NAV2: variants seen among roughly 807,000 people sequenced by gnomAD.
NAV2 encodes neuron navigator 2, also known as helicase, APC down-regulated 1.
A neutral mutation model predicts 223.2 loss-of-function variants in NAV2; 54 were observed. That is an observed-to-expected ratio of 0.24 (90% CI 0.19 to 0.30). The LOEUF (loss-of-function observed/expected upper bound fraction) is 0.30. NAV2 is among the 10% of genes least tolerant of loss of function. The probability of loss-of-function intolerance (pLI) is 1.00; values close to 1 mark genes in which losing one functional copy is unlikely to be tolerated. For missense variants in NAV2, 2,806 were observed against 3,147.5 expected (o/e 0.89, Z 2.60); for synonymous variants, 1,279 against 1,239.3 (o/e 1.03, Z -0.67).
chr11:20,080,099 C>G lies in NAV2; in HGVS notation c.5215C>G (p.Arg1739Gly), dbSNP rs755116010. The G allele has an allele frequency of 6.2e-7, 1 of 1,614,130 alleles. No individual in the cohort carries two copies. Among genetic ancestry groups the G allele is most frequent in the Non-Finnish European group, 8.5e-7 (1 of 1,180,018 alleles). The change falls in exon 25 of 38, where the codon CGC becomes GGC. Residue 1739 changes from arginine (R) to glycine (G), a missense_variant. By Grantham distance (125) the Arg-to-Gly change is moderately radical (BLOSUM62 -2). Transcript: ENST00000349880. ...GTAQSADLRI[R>G]RQHSSDSVSS... ...TGCCCAGTCTGCAGACCTCCGCATCCGCAGGCAGCACTCCTCAGACAGCGT... is the reference window on the plus strand; with the variant it reads ...TGCCCAGTCTGCAGACCTCCGCATCGGCAGGCAGCACTCCTCAGACAGCGT...
intron 6 of NAV2, among the ~76,000 whole-genome samples, chr11:19,897,886 T>TTTTTTATA (rs144642336): frequency 8.3e-6 from 1 of 120,660 alleles, no homozygotes; most frequent in East Asian, 3.4e-4. Flanking sequence ...GACCTGTGAT[T>TTTTTTATA]TATATATATA....
At chr11:19,660,254 C>G (rs2048240887) in intron 1 of NAV2, among the ~76,000 whole-genome samples, 1 of 152,206 alleles carries the variant, frequency 6.6e-6, no homozygotes, top group Non-Finnish European at 1.5e-5. Flanking sequence ...TTCACTCGGC[C>G]ACTGCATCCC....
chr11:20,023,139 C>T (rs1424459842), intron 11 of NAV2: 5 of 1,551,384 alleles, frequency 3.2e-6, no homozygotes, highest in Non-Finnish European at 4.4e-6. Flanking sequence ...CAAGGTAGGA[C>T]GATTTTCTAA....
intron 1 of NAV2, among the ~76,000 whole-genome samples, chr11:19,407,683 C>T (rs1012480040): frequency 6.7e-6 from 1 of 150,318 alleles, no homozygotes; most frequent in Non-Finnish European, 1.5e-5. Flanking sequence ...GAATTCCCCA[C>T]CCACCCATAG....
intron 10 of NAV2, among the ~76,000 whole-genome samples, chr11:19,960,970 C>G (rs1476681469): frequency 2.0e-5 from 3 of 152,082 alleles, no homozygotes; most frequent in Non-Finnish European, 4.4e-5. Flanking sequence ...TTTCTCTACT[C>G]AGTGTTATGC....
At chr11:19,586,953 T>G (rs1227008864) in intron 1 of NAV2, among the ~76,000 whole-genome samples, 1 of 152,228 alleles carries the variant, frequency 6.6e-6, no homozygotes, top group African/African-American at 2.4e-5. Context: ...TGCCTTTTGT[T>G]TGGCTATGCC....
chr11:19,779,600 T>C lies in NAV2; in HGVS notation c.268-52884T>C, dbSNP rs186404082. Reference sequence around the variant, plus strand: ...TCCAGCCTTGCCACTTACTAATCCCTGAATCAGTTTTCCTCTTTTGTAAAA... The same window carrying C: ...TCCAGCCTTGCCACTTACTAATCCCCGAATCAGTTTTCCTCTTTTGTAAAA... On this transcript the variant is annotated intron_variant, in intron 1 of 37. Coordinates refer to ENST00000349880, the MANE Select transcript of NAV2 (RefSeq NM_145117.5). Among the ~76,000 whole-genome samples, 538 of 152,376 alleles carry C rather than the reference T, an allele frequency of 3.5e-3. 1 individual carries two copies. Among genetic ancestry groups the C allele is most frequent in the African/African-American group, 0.012 (518 of 41,598 alleles).
intron 1 of NAV2, among the ~76,000 whole-genome samples, chr11:19,487,416 TC>T (rs1564978397): frequency 6.6e-6 from 1 of 152,190 alleles, no homozygotes; most frequent in Non-Finnish European, 1.5e-5. Context: ...GGTAATCCTC[TC>T]CCCTATTGAC....
chr11:19,389,152 C>G (rs1234435118), intron 1 of NAV2, among the ~76,000 whole-genome samples: 1 of 152,254 alleles, frequency 6.6e-6, no homozygotes, highest in Non-Finnish European at 1.5e-5. Flanking sequence ...ATAAACTTGT[C>G]TCTCTGTGAT....
At chr11:19,466,284 C>T (rs1393302620) in intron 1 of NAV2, among the ~76,000 whole-genome samples, 1 of 152,184 alleles carries the variant, frequency 6.6e-6, no homozygotes, top group Non-Finnish European at 1.5e-5. Flanking sequence ...TGCGGAAAAT[C>T]CATTTGCACC....
intron 1 of NAV2, among the ~76,000 whole-genome samples, chr11:19,427,043 A>G (rs1363481502): frequency 2.0e-5 from 3 of 148,610 alleles, no homozygotes; most frequent in Admixed American, 6.8e-5. Flanking sequence ...GAGACTTCTT[A>G]GCAGCTGACC....
intron 1 of NAV2, among the ~76,000 whole-genome samples, chr11:19,491,546 G>A (rs559556972): frequency 5.9e-5 from 9 of 152,218 alleles, no homozygotes; most frequent in African/African-American, 1.7e-4. Flanking sequence ...TCTCTCTCAG[G>A]CTTCGTGGAA....
intron 1 of NAV2, among the ~76,000 whole-genome samples, chr11:19,828,785 A>C (rs79464504): frequency 0.019 from 2,865 of 152,322 alleles, 78 homozygotes; most frequent in African/African-American, 0.065. Context: ...ACGGGTAATT[A>C]GATTAGAGCT....
intron 10 of NAV2, among the ~76,000 whole-genome samples, chr11:19,983,126 C>A (rs1378109383): frequency 6.6e-6 from 1 of 152,084 alleles, no homozygotes; most frequent in African/African-American, 2.4e-5. Flanking sequence ...TTTGCTTTGC[C>A]TTCCTGTTCT....
At chr11:19,919,948 A>G (rs2044137707) in intron 6 of NAV2, among the ~76,000 whole-genome samples, 1 of 152,122 alleles carries the variant, frequency 6.6e-6, no homozygotes. Context: ...AGCCTGGACA[A>G]CATAATGAGA....
intron 7 of NAV2, among the ~76,000 whole-genome samples, chr11:19,939,306 A>G (rs2046200997): frequency 6.6e-6 from 1 of 152,070 alleles, no homozygotes; most frequent in Non-Finnish European, 1.5e-5. Flanking sequence ...GGTTACTTAG[A>G]AGCTGTTCTT....
At chr11:19,685,124 G>C (rs1191315271) in intron 1 of NAV2, among the ~76,000 whole-genome samples, 1 of 152,120 alleles carries the variant, frequency 6.6e-6, no homozygotes, top group East Asian at 1.9e-4. Context: ...TCCCACCCTG[G>C]GCCAGCCTCC....
chr11:19,489,323 A>T (rs138678527), intron 1 of NAV2, among the ~76,000 whole-genome samples: 1 of 152,206 alleles, frequency 6.6e-6, no homozygotes, highest in African/African-American at 2.4e-5. Context: ...AAGAAGGGCA[A>T]TGTGAAAATT....
intron 1 of NAV2, among the ~76,000 whole-genome samples, chr11:19,795,964 GAATGAA>G (rs1286782203): frequency 7.7e-6 from 1 of 129,666 alleles, no homozygotes; most frequent in African/African-American, 2.9e-5. Flanking sequence ...GCTGGCTCCT[GAATGAA>G]AATGAATCTG....
Sources: allele counts gnomAD v4.1 joint callset (sites outside exome capture counted in the v4.1 genomes callset), GRCh38; gene constraint gnomAD v4.1.1; transcripts MANE v1.5; gene names NCBI Gene and HGNC (gene_info 2026-07-23, HGNC 2026-07-21).